BLK: variants seen among roughly 807,000 people sequenced by gnomAD.
BLK encodes the protein BLK proto-oncogene, Src family tyrosine kinase.
In BLK, 64 loss-of-function variants were observed where a neutral mutation model predicts 61.8. The ratio of observed to expected loss-of-function variants is 1.03; its 90% confidence interval spans 0.85 to 1.27. The LOEUF (loss-of-function observed/expected upper bound fraction) is 1.27, where lower values mean the gene tolerates loss of function less well. BLK is among the 50% of genes most tolerant of loss of function. BLK has a pLI of 0.00. For missense variants in BLK, 853 were observed against 660.5 expected (o/e 1.29, Z -3.19); for synonymous variants, 351 against 272.0 (o/e 1.29, Z -2.86).
intron 1 of BLK, among the ~76,000 whole-genome samples, chr8:11,538,052 G>A (rs950426374): frequency 6.6e-6 from 1 of 152,042 alleles, no homozygotes; most frequent in African/African-American, 2.4e-5. Context: ...TCTCACACAT[G>A]CATATACACG....
At chr8:11,563,511 G>T (rs1415772942) in intron 12 of BLK, among the ~76,000 whole-genome samples, 1 of 152,166 alleles carries the variant, frequency 6.6e-6, no homozygotes. Flanking sequence ...CCAGTCGAAG[G>T]GCTCCAGCCA....
rs953667657 is a variant in BLK at position 11,554,990 on chromosome 8, G to A, written c.619+101G>A. ...GTGAGTCATTGGTGCCACCTTGGGG[G>A]ATGGAAAGATTATCCCAAAGTTAGG... On this transcript the variant is annotated intron_variant, in intron 7 of 12. Transcript: ENST00000259089. The A allele has an allele frequency of 2.7e-6, 4 of 1,507,574 alleles. No homozygotes were observed. The African/African-American group carries it at 4.1e-5, about 16-fold the overall frequency. The allele number at this position is 1,507,574 out of a possible 1,614,324, so 93.4% of individuals were successfully genotyped here.
At position 11,555,531 on chromosome 8, in the gene BLK, C is replaced by T. The variant is rs368103800; in HGVS notation, c.772+47C>T. 41 of 1,612,762 alleles carry T rather than the reference C, an allele frequency of 2.5e-5. No homozygotes were observed. In the African/African-American group the frequency reaches 4.0e-4, roughly 16 times the overall value. ...AGCATTTCTCCCCCCATTCCACCTG[C>T]GCCGCATCCTGAGTCCAGGTTCAGC... On this transcript the variant is annotated intron_variant, in intron 8 of 12. Transcript: ENST00000259089.
Position 11,556,746 on chromosome 8 carries a change from G to A in BLK, c.861G>A (p.Val287=). 1.2e-6 allele frequency: 2 copies of A among 1,614,246 alleles called. No homozygotes were observed. Among genetic ancestry groups the A allele is most frequent in the Non-Finnish European group, 8.5e-7 (1 of 1,180,048 alleles). The change falls in exon 9 of 13, where the codon GTG becomes GTA. Residue 287 remains valine (V), a synonymous_variant. Transcript: ENST00000259089. ...SPEAFLGEAN[V]MKALQHERLV... ...AAGCCTTTCTGGGTGAGGCCAACGTGATGAAGGCTCTGCAGCACGAGCGGC... is the reference window on the plus strand; with the variant it reads ...AAGCCTTTCTGGGTGAGGCCAACGTAATGAAGGCTCTGCAGCACGAGCGGC...
At position 11,544,904 on chromosome 8, in the gene BLK, A is replaced by G. The variant is rs184752219; in HGVS notation, c.124-1148A>G. On this transcript the variant is annotated intron_variant, in intron 2 of 12. Coordinates refer to ENST00000259089, the MANE Select transcript of BLK (RefSeq NM_001715.3). ...TTGTATAGCCACCTCCCAACTTCAG[A>G]CAAGAAAGAGACTCGTTCCTTTGAA... 1.7e-3 allele frequency among the ~76,000 whole-genome samples: 264 copies of G among 152,334 alleles called. 1 individual carries two copies. Among genetic ancestry groups the G allele is most frequent in the African/African-American group, 5.9e-3 (246 of 41,568 alleles).
At chr8:11,504,961 TACAG>T (rs1798712013) in intron 1 of BLK, among the ~76,000 whole-genome samples, 1 of 152,084 alleles carries the variant, frequency 6.6e-6, no homozygotes, top group Non-Finnish European at 1.5e-5. Context: ...CAGAGACACG[TACAG>T]ACACATACAT....
intron 1 of BLK, among the ~76,000 whole-genome samples, chr8:11,517,152 G>C (rs1333732254): frequency 1.3e-5 from 2 of 152,188 alleles, no homozygotes; most frequent in Non-Finnish European, 2.9e-5. Context: ...AGAGCAGGGA[G>C]GAGTTGCTGT....
chr8:11,501,801 G>C (rs1234484258), intron 1 of BLK, among the ~76,000 whole-genome samples: 1 of 152,198 alleles, frequency 6.6e-6, no homozygotes, highest in African/African-American at 2.4e-5. Flanking sequence ...GCAGATCAAA[G>C]TGAAACAACA....
chr8:11,548,094 C>A lies in BLK; in HGVS notation c.238C>A (p.Leu80Met). 2 of 1,613,864 alleles carry A rather than the reference C, an allele frequency of 1.2e-6. No homozygotes were observed. Among genetic ancestry groups the A allele is most frequent in the Non-Finnish European group, 1.7e-6 (2 of 1,180,008 alleles). ...TAMNDRDLQM[L>M]KGEKLQVLKG... ...TATGAATGATCGGGACCTGCAGATG[C>A]TGAAGGGGGAGAAGCTACAGGTCCT... The change falls in exon 4 of 13, where the codon CTG becomes ATG. Residue 80 changes from leucine (L) to methionine (M), a missense_variant. Transcript: ENST00000259089.
chr8:11,539,807 T>A (rs2117425869), intron 1 of BLK, among the ~76,000 whole-genome samples: 1 of 152,330 alleles, frequency 6.6e-6, no homozygotes, highest in Admixed American at 6.5e-5. Context: ...GAAACAATAA[T>A]TATAACAAAC....
chr8:11,531,860 T>G (rs541719614), intron 1 of BLK, among the ~76,000 whole-genome samples: 3 of 152,254 alleles, frequency 2.0e-5, no homozygotes, highest in East Asian at 3.9e-4. Context: ...GTTTTGGTTG[T>G]TTGTTTGTTT....
In BLK at chr8:11,550,094, G is replaced by T; in HGVS notation, c.369-65G>T. 2.9e-6 allele frequency: 4 copies of T among 1,399,810 alleles called. No homozygotes were observed. In the Middle Eastern group the frequency reaches 7.5e-4, roughly 261 times the overall value. The allele number at this position is 1,399,810 out of a possible 1,614,324, so 86.7% of individuals were successfully genotyped here. On this transcript the variant is annotated intron_variant, in intron 5 of 12. Transcript: ENST00000259089. ...TGGGGACAGGCAGTGCAGGAGGGAG[G>T]CTGTGTGGGAATACTCCGAGGAGCA...
At chr8:11,538,192 A>G (rs1287240709) in intron 1 of BLK, among the ~76,000 whole-genome samples, 5 of 151,962 alleles carry the variant, frequency 3.3e-5, no homozygotes, top group Admixed American at 3.3e-4. Flanking sequence ...TTCCTCTCCC[A>G]CTCTCTCACA....
At position 11,563,967 on chromosome 8, in the gene BLK, C is replaced by T. The variant is rs1801609795; in HGVS notation, c.1377C>T (p.Thr459=). The change falls in exon 13 of 13, where the codon ACC becomes ACT. Residue 459 remains threonine (T), a synonymous_variant. Coordinates refer to ENST00000259089, the MANE Select transcript of BLK (RefSeq NM_001715.3). ...ERGYRMPRPD[T]CPPELYRGVI... The stretch of plus-strand genomic sequence containing the variant: ...GCTACCGCATGCCGCGCCCCGACAC[C>T]TGCCCGCCCGAGCTGTACCGCGGCG... 6.2e-7 allele frequency: 1 copy of T among 1,606,756 alleles called. No homozygotes were observed. The highest frequency in any genetic ancestry group is 8.5e-7 in the Non-Finnish European group (1 of 1,179,348).
chr8:11,507,814 T>C (rs966754835), intron 1 of BLK, among the ~76,000 whole-genome samples: 1 of 152,210 alleles, frequency 6.6e-6, no homozygotes, highest in African/African-American at 2.4e-5. Context: ...CTAAAGACAG[T>C]CACCCCATGG....
chr8:11,508,227 G>A (rs1050232612), intron 1 of BLK, among the ~76,000 whole-genome samples: 4 of 152,358 alleles, frequency 2.6e-5, no homozygotes, highest in Middle Eastern at 6.8e-3. Context: ...CAAGAGAAGC[G>A]TGTCACGGCG....
At chr8:11,539,963 C>T (rs1800303584) in intron 1 of BLK, among the ~76,000 whole-genome samples, 1 of 152,132 alleles carries the variant, frequency 6.6e-6, no homozygotes, top group African/African-American at 2.4e-5. Context: ...TTATCTGATG[C>T]TTTGCAATCT....
rs77401687 is a variant in BLK at position 11,557,983 on chromosome 8, A to C, written c.974A>C (p.Lys325Thr). The C allele has an allele frequency of 1.8e-3, 2,875 of 1,614,070 alleles. 11 individuals are homozygous for C. Among genetic ancestry groups the C allele is most frequent in the South Asian group, 2.8e-3 (259 of 91,078 alleles). The change falls in exon 10 of 13, where the codon AAG (lysine) becomes ACG (threonine). Residue 325 changes from lysine to threonine, a missense_variant. By Grantham distance (78) the Lys-to-Thr change is moderately conservative. Coordinates refer to ENST00000259089, the MANE Select transcript of BLK (RefSeq NM_001715.3). ...TTAGGATGCCTGCTGGATTTCCTGAAGACAGATGAAGGGAGCAGATTGTCA... is the reference window on the plus strand; with the variant it reads ...TTAGGATGCCTGCTGGATTTCCTGACGACAGATGAAGGGAGCAGATTGTCA... Reference protein sequence around the residue: ...MARGCLLDFLKTDEGSRLSLP... With the variant: ...MARGCLLDFLTTDEGSRLSLP...
At chr8:11,542,199 A>C (rs2117441857) in intron 1 of BLK, among the ~76,000 whole-genome samples, 1 of 152,334 alleles carries the variant, frequency 6.6e-6, no homozygotes, top group South Asian at 2.1e-4. Flanking sequence ...TCACTAAAAG[A>C]GAAAAAAAAT....
Sources: allele counts gnomAD v4.1 joint callset (sites outside exome capture counted in the v4.1 genomes callset), GRCh38; gene constraint gnomAD v4.1.1; transcripts MANE v1.5; gene names NCBI Gene and HGNC (gene_info 2026-07-23, HGNC 2026-07-21).